Variants in ANKRD44 observed in about 807,000 individuals in gnomAD.
ANKRD44 encodes serine/threonine-protein phosphatase 6 regulatory ankyrin repeat subunit B.
A neutral mutation model predicts 116.0 loss-of-function variants in ANKRD44; 35 were observed. That is an observed-to-expected ratio of 0.30 (90% CI 0.23 to 0.40). ANKRD44 has a LOEUF of 0.40. Among genes scored for constraint, ANKRD44 ranks in the 10% least tolerant of loss-of-function variants. ANKRD44 has a pLI of 1.00. For missense variants in ANKRD44, 1,014 were observed against 1,242.6 expected (o/e 0.82, Z 2.77); for synonymous variants, 435 against 461.8 (o/e 0.94, Z 0.74).
intron 1 of ANKRD44, among the ~76,000 whole-genome samples, chr2:197,191,550 C>T (rs1200765449): frequency 1.3e-5 from 2 of 152,074 alleles, no homozygotes; most frequent in African/African-American, 2.4e-5. Flanking sequence ...GGGAAAATAC[C>T]AGACTTCCAA....
chr2:197,096,471 C>T (rs6727855), intron 10 of ANKRD44, among the ~76,000 whole-genome samples: 197 of 152,258 alleles, frequency 1.3e-3, no homozygotes, highest in African/African-American at 4.5e-3. Context: ...TTTGACATCA[C>T]GTAAAGTTGC....
intron 1 of ANKRD44, among the ~76,000 whole-genome samples, chr2:197,211,554 TA>T (rs1187386071): frequency 6.6e-6 from 1 of 152,162 alleles, no homozygotes; most frequent in Non-Finnish European, 1.5e-5. Flanking sequence ...TGCCTTAAGA[TA>T]TCCATGTTCA....
At chr2:197,120,795 T>G (rs2078834037) in intron 8 of ANKRD44, among the ~76,000 whole-genome samples, 1 of 152,334 alleles carries the variant, frequency 6.6e-6, no homozygotes, top group East Asian at 1.9e-4. Context: ...CACCTCAGTA[T>G]TAGCTTCTGG....
chr2:197,039,878 A>G (rs1224286327), intron 16 of ANKRD44, among the ~76,000 whole-genome samples: 1 of 152,128 alleles, frequency 6.6e-6, no homozygotes, highest in Non-Finnish European at 1.5e-5. Flanking sequence ...AATGATCCTA[A>G]ACTTGTAAAA....
chr2:197,139,891 T>C (rs1676777845), intron 3 of ANKRD44, among the ~76,000 whole-genome samples: 1 of 139,132 alleles, frequency 7.2e-6, no homozygotes. Flanking sequence ...TGTGTGTGTG[T>C]GTGTGTGAAA....
chr2:197,305,277 A>G (rs1309389107), intron 1 of ANKRD44, among the ~76,000 whole-genome samples: 2 of 152,222 alleles, frequency 1.3e-5, no homozygotes. Flanking sequence ...AAACCCAACC[A>G]GTTTTCAAGA....
chr2:197,269,742 G>A (rs2082844847), intron 1 of ANKRD44, among the ~76,000 whole-genome samples: 1 of 152,050 alleles, frequency 6.6e-6, no homozygotes, highest in African/African-American at 2.4e-5. Flanking sequence ...CACTCAAAGT[G>A]GCCCATGGGA....
intron 16 of ANKRD44, among the ~76,000 whole-genome samples, chr2:197,039,676 T>C (rs1022577004): frequency 5.9e-5 from 5 of 84,656 alleles, no homozygotes; most frequent in African/African-American, 1.0e-4. Context: ...ATTGTGTGTG[T>C]GTGCGTGTGT....
chr2:197,058,161 C>G (rs1239276055), intron 16 of ANKRD44, among the ~76,000 whole-genome samples: 1 of 152,178 alleles, frequency 6.6e-6, no homozygotes, highest in African/African-American at 2.4e-5. Context: ...AGGTAATAGT[C>G]AGCTTGTTAA....
chr2:197,234,193 G>C (rs1010012199), intron 1 of ANKRD44, among the ~76,000 whole-genome samples: 1 of 142,648 alleles, frequency 7.0e-6, no homozygotes, highest in Non-Finnish European at 1.5e-5. Flanking sequence ...ATAAGTCATA[G>C]ATTTTTTTTT....
chr2:197,308,175 A>C (rs1485222208), intron 1 of ANKRD44, among the ~76,000 whole-genome samples: 8 of 144,996 alleles, frequency 5.5e-5, no homozygotes, highest in Admixed American at 1.3e-4. Flanking sequence ...ACACACACAA[A>C]AAAAAAAAAG....
At chr2:197,033,891 A>G (rs2076756317) in intron 16 of ANKRD44, among the ~76,000 whole-genome samples, 1 of 152,146 alleles carries the variant, frequency 6.6e-6, no homozygotes, top group South Asian at 2.1e-4. Flanking sequence ...GAGAAAAGCA[A>G]TTTGCAAGTC....
chr2:197,043,622 T>C (rs2076950526), intron 16 of ANKRD44, among the ~76,000 whole-genome samples: 1 of 152,214 alleles, frequency 6.6e-6, no homozygotes, highest in Admixed American at 6.5e-5. Flanking sequence ...TCAAATATGT[T>C]AAGCATGCAG....
At chr2:197,070,018 G>T (rs2077525753) in intron 16 of ANKRD44, among the ~76,000 whole-genome samples, 2 of 151,722 alleles carry the variant, frequency 1.3e-5, no homozygotes, top group African/African-American at 4.8e-5. Flanking sequence ...AAATAATATT[G>T]TACTTTTAAT....
At chr2:197,115,522 G>A (rs769521542) in intron 8 of ANKRD44, among the ~76,000 whole-genome samples, 1 of 152,152 alleles carries the variant, frequency 6.6e-6, no homozygotes, top group African/African-American at 2.4e-5. Context: ...ACTGTGAAAT[G>A]CAGGCTGAAC....
At chr2:197,277,464 CAG>C (rs1379903505) in intron 1 of ANKRD44, among the ~76,000 whole-genome samples, 9 of 152,064 alleles carry the variant, frequency 5.9e-5, no homozygotes, top group Non-Finnish European at 1.5e-5. Context: ...ATCTGGAAGA[CAG>C]GGAGTAAGAG....
chr2:197,287,135 T>C (rs1382641506), intron 1 of ANKRD44, among the ~76,000 whole-genome samples: 1 of 152,178 alleles, frequency 6.6e-6, no homozygotes, highest in Non-Finnish European at 1.5e-5. Context: ...TGGTAACAAA[T>C]GTACCACTCT....
At chr2:197,126,849 T>C (rs986618022) in intron 4 of ANKRD44, among the ~76,000 whole-genome samples, 1 of 34,032 alleles carries the variant, frequency 2.9e-5, no homozygotes, top group East Asian at 0.021. Flanking sequence ...GGGAGTGGTG[T>C]TGTGGACCTC....
chr2:197,129,845 T>C (rs1044566979), intron 4 of ANKRD44, among the ~76,000 whole-genome samples: 5 of 152,186 alleles, frequency 3.3e-5, no homozygotes, highest in Non-Finnish European at 5.9e-5. Context: ...AAATTACTCA[T>C]GGAAAAGTAA....
Sources: gnomAD v4.1 joint callset for allele counts (sites outside exome capture counted in the v4.1 genomes callset) on GRCh38, gnomAD v4.1.1 for gene constraint, MANE v1.5 for transcripts, NCBI Gene and HGNC (gene_info 2026-07-23, HGNC 2026-07-21) for gene names.